The following NRXN3 variants were observed in gnomAD, a reference collection of about 807,000 sequenced individuals.
The protein encoded by NRXN3 is neurexin 3, also known as neurexin III.
A neutral mutation model predicts 137.6 loss-of-function variants in NRXN3; 32 were observed. That is an observed-to-expected ratio of 0.23 (90% CI 0.18 to 0.31). The LOEUF (loss-of-function observed/expected upper bound fraction) is 0.31, where lower values mean the gene tolerates loss of function less well. NRXN3 is among the 10% of genes least tolerant of loss of function. The pLI, the probability that NRXN3 is intolerant of heterozygous loss-of-function variation, is 1.00. For missense variants in NRXN3, 1,574 were observed against 2,062.5 expected, an observed-to-expected ratio of 0.76 and a Z score of 4.59; for synonymous variants, 798 against 784.5, an observed-to-expected ratio of 1.02 and a Z score of -0.29.
intron 6 of NRXN3, among the ~76,000 whole-genome samples, chr14:78,674,530 A>G (rs534165612): frequency 6.6e-6 from 1 of 152,336 alleles, no homozygotes; most frequent in Admixed American, 6.5e-5. Flanking sequence ...ATGTATCCAG[A>G]TAATTTTGGT....
At chr14:78,272,820 A>G (rs1286914447) in intron 2 of NRXN3, among the ~76,000 whole-genome samples, 1 of 152,152 alleles carries the variant, frequency 6.6e-6, no homozygotes, top group Non-Finnish European at 1.5e-5. Flanking sequence ...AATAGGATGA[A>G]TACCGTTTCT....
At chr14:78,731,685 ATATTC>A (rs2098516445) in intron 8 of NRXN3, among the ~76,000 whole-genome samples, 1 of 151,402 alleles carries the variant, frequency 6.6e-6, no homozygotes, top group South Asian at 2.1e-4. Context: ...GTGAATACAT[ATATTC>A]TATTCTATAT....
At chr14:78,207,327 C>T (rs776045732) in intron 1 of NRXN3, among the ~76,000 whole-genome samples, 7 of 152,150 alleles carry the variant, frequency 4.6e-5, no homozygotes, top group Non-Finnish European at 1.0e-4. Flanking sequence ...TCTTCCTGCG[C>T]ACTCTACCTT....
At chr14:79,608,679 T>G (rs1329229553) in intron 16 of NRXN3, among the ~76,000 whole-genome samples, 1 of 152,196 alleles carries the variant, frequency 6.6e-6, no homozygotes, top group Admixed American at 6.5e-5. Flanking sequence ...GCTTCTAGTA[T>G]TCTCTGTCAT....
intron 4 of NRXN3, among the ~76,000 whole-genome samples, chr14:78,460,152 G>A (rs937511551): frequency 2.0e-5 from 3 of 152,252 alleles, no homozygotes; most frequent in Non-Finnish European, 2.9e-5. Flanking sequence ...CAGAGTGGGA[G>A]GTAGGTGGGG....
chr14:79,573,072 C>T (rs2097625293), intron 16 of NRXN3: 1 of 152,142 alleles, frequency 6.6e-6, no homozygotes, highest in African/African-American at 2.4e-5. Context: ...TTTCAGATAT[C>T]TTCTCCCCTG....
rs553447416 is a variant in NRXN3, at chr14:79,651,751, G to T, written c.3445-12027G>T. Among the ~76,000 whole-genome samples the T allele has an allele frequency of 3.3e-5, 5 of 152,254 alleles. No homozygotes were observed. In the East Asian group the frequency reaches 9.7e-4, roughly 29 times the overall value. ...AGCTGGACCTTCTGCAGAGAAAACTGTCTTCTCCAGATAGGAAAGTGTGCC... is the reference window on the plus strand; with the variant it reads ...AGCTGGACCTTCTGCAGAGAAAACTTTCTTCTCCAGATAGGAAAGTGTGCC... On this transcript the variant is annotated intron_variant, in intron 16 of 20. Coordinates refer to ENST00000335750, the MANE Select transcript of NRXN3 (RefSeq NM_001330195.2).
chr14:79,643,182 C>T (rs72696782), intron 16 of NRXN3, among the ~76,000 whole-genome samples: 1,751 of 136,080 alleles, frequency 0.013, 399 homozygotes, highest in South Asian at 0.055. Flanking sequence ...TCCCAACTCA[C>T]TAAATCTCCT....
intron 19 of NRXN3, among the ~76,000 whole-genome samples, chr14:79,773,857 C>G (rs2099088091): frequency 6.7e-6 from 1 of 149,486 alleles, no homozygotes; most frequent in African/African-American, 2.5e-5. Flanking sequence ...ATCAGGCAGA[C>G]TGGATCTGGA....
chr14:79,810,123 C>T (rs933422213), intron 20 of NRXN3, among the ~76,000 whole-genome samples: 1 of 151,952 alleles, frequency 6.6e-6, no homozygotes, highest in Non-Finnish European at 1.5e-5. Context: ...TAGATATGAT[C>T]AACTTCCTGG....
In NRXN3 at chr14:79,625,928, A is replaced by G. The variant is rs192483939; in HGVS notation, c.3445-37850A>G. ...TTTATCTAGAAAACAGGAGTGATGC[A>G]TGTCTCATAGGACCGGTGTAAGGAT... is the stretch of plus-strand genomic sequence containing the variant. On this transcript the variant is annotated intron_variant, in intron 16 of 20. Transcript: ENST00000335750. 2.0e-5 allele frequency among the ~76,000 whole-genome samples: 3 copies of G among 152,308 alleles called. No individual in the cohort carries two copies. The East Asian group carries it at 5.8e-4, about 29-fold the overall frequency.
At chr14:78,734,266 T>C (rs1007168637) in intron 8 of NRXN3, among the ~76,000 whole-genome samples, 14 of 150,124 alleles carry the variant, frequency 9.3e-5, no homozygotes, top group Non-Finnish European at 1.9e-4. Context: ...CTTTTCATCT[T>C]ACTAATTCCT....
chr14:79,068,031 C>A (rs1475749414), intron 15 of NRXN3, among the ~76,000 whole-genome samples: 2 of 151,872 alleles, frequency 1.3e-5, no homozygotes, highest in Non-Finnish European at 2.9e-5. Context: ...CTCTGGACAC[C>A]CTTACCCTTT....
At position 78,178,783 on chromosome 14, in the gene NRXN3, G is replaced by A. The variant is rs559681835; in HGVS notation, c.-704+8109G>A. 6.6e-5 allele frequency among the ~76,000 whole-genome samples: 10 copies of A among 152,278 alleles called. No individual in the cohort carries two copies. In the East Asian group the frequency reaches 1.9e-3, roughly 29 times the overall value. ...TCGCTTTTTTAGGATTACACAGTGA[G>A]ATCCTGGGTCCACACTTGGGTCTGA... On this transcript the variant is annotated intron_variant, in intron 1 of 20. Coordinates refer to ENST00000335750, the MANE Select transcript of NRXN3 (RefSeq NM_001330195.2).
intron 4 of NRXN3, among the ~76,000 whole-genome samples, chr14:78,421,220 G>A (rs1250292154): frequency 6.7e-6 from 1 of 149,424 alleles, no homozygotes; most frequent in Non-Finnish European, 1.5e-5. Context: ...CCGAGATTGT[G>A]CCATTGCACT....
At chr14:78,455,643 C>T (rs2094678689) in intron 4 of NRXN3, among the ~76,000 whole-genome samples, 3 of 152,116 alleles carry the variant, frequency 2.0e-5, no homozygotes, top group Non-Finnish European at 2.9e-5. Context: ...ACCTTTAGAA[C>T]GTTTTTATTC....
intron 15 of NRXN3, among the ~76,000 whole-genome samples, chr14:79,073,620 A>G (rs943156769): frequency 2.0e-5 from 3 of 152,178 alleles, no homozygotes; most frequent in Non-Finnish European, 4.4e-5. Flanking sequence ...TGTGTTAACA[A>G]CAGCCTTTTC....
intron 17 of NRXN3, among the ~76,000 whole-genome samples, chr14:79,667,798 AG>A (rs111877759): frequency 2.6e-5 from 4 of 151,630 alleles, no homozygotes; most frequent in Non-Finnish European, 4.4e-5. Context: ...GGAACAAGGG[AG>A]GGGGGGTGAA....
Position 79,261,600 on chromosome 14 carries a change from GCT to G in NRXN3, c.3263-205620_3263-205619del, listed in dbSNP as rs1491409246. On this transcript the variant is annotated intron_variant, in intron 15 of 20. Transcript: ENST00000335750. The stretch of plus-strand genomic sequence containing the variant: ...ATGAAATCCCACAGATAAGAAAGGT[GCT>G]GTGTGTGTGTGTGTGTGTGTGTGTG... 9.1e-5 allele frequency among the ~76,000 whole-genome samples: 9 copies of G among 98,398 alleles called. No individual in the cohort carries two copies. In the East Asian group the frequency reaches 1.6e-3, roughly 18 times the overall value. The allele number at this position is 98,398 out of a possible 152,430, so 64.6% of individuals were successfully genotyped here. A position where few individuals can be genotyped will look rare whatever the true frequency, so the allele number is the denominator to read the frequency against.
Sources: gnomAD v4.1 joint callset for allele counts (sites outside exome capture counted in the v4.1 genomes callset) on GRCh38, gnomAD v4.1.1 for gene constraint, MANE v1.5 for transcripts, NCBI Gene and HGNC (gene_info 2026-07-23, HGNC 2026-07-21) for gene names.